The following FAM91A1 variants were observed in gnomAD, a reference collection of about 807,000 sequenced individuals.
The protein encoded by FAM91A1 is protein FAM91A1.
FAM91A1 carries 41 observed loss-of-function variants against 113.5 expected under a neutral mutation model. The ratio of observed to expected loss-of-function variants is 0.36; its 90% CI spans 0.28 to 0.47. The LOEUF (loss-of-function observed/expected upper bound fraction) is 0.47, where lower values mean the gene tolerates loss of function less well. Ranked by LOEUF, FAM91A1 falls within the 20% of genes least tolerant of loss-of-function variation. FAM91A1 has a pLI of 1.00. For synonymous variants in FAM91A1, 307 were observed against 347.9 expected (o/e 0.88, Z 1.31); for missense variants, 696 against 1,001.2 (o/e 0.70, Z 4.11).
intron 11 of FAM91A1, 47 bp from the exon 12 acceptor site, chr8:123,786,448 G>A: frequency 7.8e-7 from 1 of 1,274,838 alleles, no homozygotes; most frequent in Non-Finnish European, 1.1e-6. Flanking sequence ...TTTAATGTAA[G>A]GTCATTTATA....
At chr8:123,812,257 C>A in intron 23 of FAM91A1, 2 of 269,074 alleles carry the variant, frequency 7.4e-6, no homozygotes, top group African/African-American at 2.2e-5. Context: ...TAAAAATGAA[C>A]TTTTGCTTTT....
chr8:123,799,822 T>A lies in FAM91A1; in HGVS notation c.1746T>A (p.Val582=). 8.7e-6 allele frequency: 14 copies of A among 1,610,242 alleles called. No individual in the cohort carries two copies. Among genetic ancestry groups the A allele is most frequent in the Non-Finnish European group, 1.2e-5 (14 of 1,176,898 alleles). The change falls in exon 18 of 24, where the codon GTT becomes GTA. Residue 582 remains valine, a synonymous_variant. Transcript: ENST00000334705. ...CTTGGGGTCATGATCCTGGAGTAGT[T>A]CCTACCTCAAATGTGCTCACGATGT... ...ITSWGHDPGV[V]PTSNVLTMLN...
At chr8:123,784,673 C>G (rs1248487557) in intron 9 of FAM91A1, 97 bp downstream of exon 9, 1 of 779,354 alleles carries the variant, frequency 1.3e-6, no homozygotes, top group Non-Finnish European at 1.9e-6. Context: ...TTTTTAAAAT[C>G]TCCATGTGGG....
chr8:123,774,465 T>C (rs1188038963), intron 2 of FAM91A1, among the ~76,000 whole-genome samples: 1 of 152,124 alleles, frequency 6.6e-6, no homozygotes, highest in Admixed American at 6.6e-5. Flanking sequence ...AAAGAAAAAG[T>C]ATATTAGTTC....
At chr8:123,775,044 C>T in intron 2 of FAM91A1, 103 bp from the exon 3 acceptor site, 1 of 1,084,388 alleles carries the variant, frequency 9.2e-7, no homozygotes, top group South Asian at 2.1e-5. Flanking sequence ...TTGTAATTTA[C>T]ATACTTTTCT....
rs115452022 is a variant in FAM91A1, at chr8:123,771,533, A to T, written c.73-2547A>T. Among the ~76,000 whole-genome samples, 1,209 of 152,314 alleles carry T rather than the reference A, an allele frequency of 7.9e-3. 16 individuals carry two copies. Among genetic ancestry groups the T allele is most frequent in the African/African-American group, 0.028 (1,154 of 41,560 alleles). ...TTTTTATGTGGATGAGAGGACATTT[A>T]AAAAAATGTGGTATGGGTCATGATA... On this transcript the variant is annotated intron_variant, in intron 1 of 23. Coordinates refer to ENST00000334705, the MANE Select transcript of FAM91A1 (RefSeq NM_144963.4).
chr8:123,805,646 ACTGT>A (rs1335967495), intron 19 of FAM91A1, among the ~76,000 whole-genome samples: 1 of 152,168 alleles, frequency 6.6e-6, no homozygotes, highest in Non-Finnish European at 1.5e-5. Flanking sequence ...CATTCACACA[ACTGT>A]CTAATACTTC....
At chr8:123,812,392 A>T in intron 23 of FAM91A1, 127 bp from the exon 24 acceptor site, 1 of 501,312 alleles carries the variant, frequency 2.0e-6, no homozygotes, top group Non-Finnish European at 3.1e-6. Context: ...AGATCTTTGC[A>T]TCTCCTGTAC....
intron 8 of FAM91A1, among the ~76,000 whole-genome samples, chr8:123,781,440 T>C (rs1815118552): frequency 6.6e-6 from 1 of 152,124 alleles, no homozygotes; most frequent in African/African-American, 2.4e-5. Flanking sequence ...TTGTGATTCT[T>C]TAATAACACA....
intron 20 of FAM91A1, 34 bp from the exon 21 acceptor site, chr8:123,808,238 A>G: frequency 1.3e-6 from 2 of 1,559,284 alleles, no homozygotes; most frequent in Non-Finnish European, 1.8e-6. Context: ...TAACTGCTAG[A>G]ATCCTAATAT....
rs1586381385 is a variant in FAM91A1 at position 123,789,546 on chromosome 8, A to G, written c.1279-67A>G. On this transcript the variant is annotated intron_variant, in intron 14 of 23. Coordinates refer to ENST00000334705, the MANE Select transcript of FAM91A1 (RefSeq NM_144963.4). Reference sequence around the variant, plus strand: ...GAATAATGTCTTATATCTCTATTATATGATTATTAGAGTGAATGGCATAAA... The same window carrying G: ...GAATAATGTCTTATATCTCTATTATGTGATTATTAGAGTGAATGGCATAAA... 9 of 1,591,848 alleles carry G rather than the reference A, an allele frequency of 5.7e-6. No individual in the cohort carries two copies. In the East Asian group the frequency reaches 2.0e-4, roughly 36 times the overall value.
chr8:123,796,161 A>C (rs903649148), intron 15 of FAM91A1, among the ~76,000 whole-genome samples: 1 of 151,858 alleles, frequency 6.6e-6, no homozygotes, highest in Non-Finnish European at 1.5e-5. Flanking sequence ...TTCAGCCTCT[A>C]AATCAGGGGG....
intron 19 of FAM91A1, 32 bp from the exon 20 acceptor site, chr8:123,806,048 G>A (rs1183017213): frequency 1.3e-6 from 2 of 1,506,934 alleles, no homozygotes; most frequent in Admixed American, 2.1e-5. Context: ...ATTAGAAACT[G>A]TTCATTAATG....
At position 123,768,699 on chromosome 8, in the gene FAM91A1, C is replaced by T. The variant is rs1814766280; in HGVS notation, c.-4C>T. ...CCCCGGCCGCCGGCCCTGGCCGCGG[C>T]ATCATGAACATAGACGTGGAGTTCC... On this transcript the variant is annotated 5_prime_UTR_variant, in exon 1 of 24. Coordinates refer to ENST00000334705, the MANE Select transcript of FAM91A1 (RefSeq NM_144963.4). 2.5e-6 allele frequency: 4 copies of T among 1,598,734 alleles called. No individual in the cohort carries two copies. In the South Asian group the frequency reaches 4.5e-5, roughly 18 times the overall value.
chr8:123,792,276 A>G (rs144172010), intron 15 of FAM91A1, among the ~76,000 whole-genome samples: 1 of 152,364 alleles, frequency 6.6e-6, no homozygotes, highest in East Asian at 1.9e-4. Context: ...CTTTGAGTAT[A>G]TCATGTAGTA....
At chr8:123,788,337 T>A in intron 14 of FAM91A1, 3 of 759,076 alleles carry the variant, frequency 4.0e-6, no homozygotes, top group Non-Finnish European at 4.8e-6. Context: ...TATTCTGGCC[T>A]CTTTGTATTC....
intron 14 of FAM91A1, chr8:123,788,335 C>G: frequency 1.3e-6 from 1 of 772,766 alleles, no homozygotes; most frequent in Non-Finnish European, 1.6e-6. Flanking sequence ...TTTATTCTGG[C>G]CTCTTTGTAT....
In FAM91A1 at chr8:123,775,158, A is replaced by G; in HGVS notation, c.169A>G (p.Lys57Glu). ...CCTCTTTTGTGCAGTTAAACATGTC[A>G]AGAAAGATGAACGCAGATACTATGA... ...RYRNNLVKHV[K>E]KDERRYYEEL... The change falls in exon 3 of 24, where the codon AAG becomes GAG. Residue 57 changes from lysine to glutamate, a missense_variant. Physicochemically the swap from Lys to Glu is moderately conservative, Grantham distance 56 (BLOSUM62 1). Transcript: ENST00000334705. 6.2e-7 allele frequency: 1 copy of G among 1,606,212 alleles called. No homozygotes were observed. The highest frequency in any genetic ancestry group is 8.5e-7 in the Non-Finnish European group (1 of 1,176,122).
At chr8:123,808,838 A>G in intron 21 of FAM91A1, 55 bp from the exon 22 acceptor site, 1 of 1,439,912 alleles carries the variant, frequency 6.9e-7, no homozygotes, top group East Asian at 2.5e-5. Context: ...TATATATAAT[A>G]TATACATAAG....
Sources: gnomAD v4.1 joint callset for allele counts (sites outside exome capture counted in the v4.1 genomes callset) on GRCh38, gnomAD v4.1.1 for gene constraint, MANE v1.5 for transcripts, NCBI Gene and HGNC (gene_info 2026-07-23, HGNC 2026-07-21) for gene names.